Variants in HSPH1 observed in about 807,000 individuals in gnomAD.
The protein encoded by HSPH1 is heat shock protein family H (Hsp110) member 1.
A neutral mutation model predicts 100.0 loss-of-function variants in HSPH1; 40 were observed. The observed-to-expected ratio is 0.40, with a 90% CI of 0.31 to 0.52. The LOEUF is 0.52. HSPH1 is among the 20% of genes least tolerant of loss of function. The pLI, the probability that HSPH1 is intolerant of heterozygous loss-of-function variation, is 0.54. For missense variants in HSPH1, 876 were observed against 1,015.1 expected (o/e 0.86, Z 1.86); for synonymous variants, 403 against 344.0 (o/e 1.17, Z -1.90).
At chr13:31,146,518 C>T (rs185876360) in intron 10 of HSPH1, among the ~76,000 whole-genome samples, 170 of 152,220 alleles carry the variant, frequency 1.1e-3, no homozygotes, top group Non-Finnish European at 1.9e-3. Context: ...AATTTTAATC[C>T]TATAACCTTT....
intron 12 of HSPH1, among the ~76,000 whole-genome samples, 168 bp from the exon 13 acceptor site, chr13:31,141,427 G>C (rs957655631): frequency 1.3e-5 from 2 of 151,990 alleles, no homozygotes; most frequent in South Asian, 2.1e-4. Flanking sequence ...TTTAAATCAG[G>C]GCTGCTATTA....
chr13:31,139,049 C>T lies in HSPH1; in HGVS notation c.2039G>A (p.Gly680Glu), dbSNP rs1216875669. Residue 680 changes from glycine to glutamate, a missense_variant, in exon 15 of 18, where the codon GGA becomes GAA. Gly to Glu is a moderately conservative substitution (Grantham distance 98). Coordinates refer to ENST00000320027, the MANE Select transcript of HSPH1 (RefSeq NM_006644.4). ...ATATGCTTGTTTAGCTTGGTCCTCT[C>T]CTTCTTCATACAGCCAGTCTTCAGT... Reference protein sequence around the residue: ...TETEDWLYEEGEDQAKQAYVD... With the variant: ...TETEDWLYEEEEDQAKQAYVD... The T allele has an allele frequency of 1.2e-6, 2 of 1,613,134 alleles. No individual in the cohort carries two copies. Among genetic ancestry groups the T allele is most frequent in the Non-Finnish European group, 1.7e-6 (2 of 1,179,346 alleles).
intron 9 of HSPH1, 77 bp downstream of exon 9, chr13:31,148,297 T>C: frequency 9.5e-7 from 1 of 1,049,260 alleles, no homozygotes; most frequent in African/African-American, 1.6e-5. Context: ...CATTTGTTAA[T>C]GACTCTACTA....
chr13:31,162,175 C>T (rs1017601738), upstream of HSPH1: 5 of 1,281,340 alleles, frequency 3.9e-6, no homozygotes, highest in Non-Finnish European at 5.4e-6. Context: ...CGTTTTGCTG[C>T]CCTAATAAAA....
intron 2 of HSPH1, among the ~76,000 whole-genome samples, chr13:31,158,536 G>A (rs546099558): frequency 1.4e-4 from 18 of 125,958 alleles, no homozygotes; most frequent in South Asian, 5.4e-4. Context: ...GTAACAGAGC[G>A]AGACTCTATC....
In HSPH1 at chr13:31,141,449, C is replaced by T. The variant is rs578217674; in HGVS notation, c.1717-190G>A. 2.1e-4 allele frequency among the ~76,000 whole-genome samples: 32 copies of T among 152,140 alleles called. 1 individual carries two copies. The highest frequency in any genetic ancestry group is 1.6e-3 in the Admixed American group (25 of 15,260). On this transcript the variant is annotated intron_variant, in intron 12 of 17. Transcript: ENST00000320027. ...CAGGGCTGCTATTAAATATGCCATA[C>T]CTTCCTTCAGGAATTCACTGGGATA...
In HSPH1 at chr13:31,154,805, A is replaced by G. The variant is rs773086364; in HGVS notation, c.307-50T>C. ...TAAACATTGTAGTACTTTAAGCTAC[A>G]TGCCAATATTTAACTTCCAAAAATT... On this transcript the variant is annotated intron_variant, in intron 3 of 17. Transcript: ENST00000320027. 17 of 1,523,352 alleles carry G rather than the reference A, an allele frequency of 1.1e-5. No individual in the cohort carries two copies. The East Asian group carries it at 2.7e-4, about 25-fold the overall frequency. The allele number at this position is 1,523,352 out of a possible 1,614,324, so 94.4% of individuals were successfully genotyped here.
chr13:31,138,594 T>C (rs1468750909), intron 16 of HSPH1, 26 bp from the exon 17 acceptor site: 1 of 1,588,422 alleles, frequency 6.3e-7, no homozygotes, highest in Non-Finnish European at 8.6e-7. Context: ...ACGGTCATTC[T>C]GTAGAATTTA....
In HSPH1 at chr13:31,157,911, T is replaced by C. The variant is rs185630212; in HGVS notation, c.165+895A>G. ...TCAATAAGTAGTCAACAGAAAAAAA[T>C]TGATCAGATACCGTACTTTACTTTT... On this transcript the variant is annotated intron_variant, in intron 2 of 17. Transcript: ENST00000320027. 3.3e-4 allele frequency among the ~76,000 whole-genome samples: 49 copies of C among 146,980 alleles called. No individual in the cohort carries two copies. The East Asian group carries it at 5.7e-3, about 17-fold the overall frequency.
chr13:31,152,993 A>C (rs750624549), intron 4 of HSPH1, 42 bp from the exon 5 acceptor site: 1 of 1,308,974 alleles, frequency 7.6e-7, no homozygotes, highest in South Asian at 1.2e-5. Flanking sequence ...AGAACACAAA[A>C]TATACTTAGA....
upstream of HSPH1, chr13:31,161,998 C>T: frequency 6.5e-7 from 1 of 1,536,126 alleles, no homozygotes; most frequent in African/African-American, 1.4e-5. Context: ...CTCCACCGGC[C>T]CCTCCACGTG....
At chr13:31,156,774 G>A (rs1257540929) in intron 2 of HSPH1, among the ~76,000 whole-genome samples, 1 of 152,170 alleles carries the variant, frequency 6.6e-6, no homozygotes, top group Non-Finnish European at 1.5e-5. Context: ...TGCGTATTCT[G>A]AAGACTTGAG....
intron 1 of HSPH1, among the ~76,000 whole-genome samples, chr13:31,160,700 A>G (rs1371166479): frequency 6.6e-6 from 1 of 152,254 alleles, no homozygotes; most frequent in Non-Finnish European, 1.5e-5. Context: ...GCACAAAAGT[A>G]TGCAATTTTT....
At chr13:31,151,533 T>C in intron 6 of HSPH1, 76 bp downstream of exon 6, 6 of 1,359,032 alleles carry the variant, frequency 4.4e-6, no homozygotes. Context: ...AGAAAAAGCC[T>C]AGTAAAGAGG....
At chr13:31,162,042 A>T (rs758845376), upstream of HSPH1, 239 of 1,535,992 alleles carry the variant, frequency 1.6e-4, no homozygotes, top group Non-Finnish European at 1.9e-4. Flanking sequence ...AGCCTTCTGG[A>T]AAGATTCTAC....
At position 31,161,811 on chromosome 13, in the gene HSPH1, G is replaced by A. The variant is rs1023756577; in HGVS notation, c.-229C>T. 1 of 1,481,842 alleles carries A rather than the reference G, an allele frequency of 6.7e-7. No individual in the cohort carries two copies. The highest frequency in any genetic ancestry group is 2.2e-5 in the Admixed American group (1 of 44,504). 91.8% of individuals were successfully genotyped at this position (1,481,842 alleles called of 1,614,324 possible). ...CTGATAAGAAACCCTGGGAGAAAGC[G>A]GGGCTCAGCCTCCGCAGGTCGCTCC... On this transcript the variant is annotated 5_prime_UTR_variant, in exon 1 of 18. Coordinates refer to ENST00000320027, the MANE Select transcript of HSPH1 (RefSeq NM_006644.4).
At chr13:31,141,341 G>T in intron 12 of HSPH1, 82 bp from the exon 13 acceptor site, 1 of 1,123,232 alleles carries the variant, frequency 8.9e-7, no homozygotes, top group Non-Finnish European at 1.3e-6. Context: ...CATACTTACT[G>T]ATGACTTGGG....
Position 31,138,984 on chromosome 13 carries a change from G to A in HSPH1, c.2088+16C>T. The A allele has an allele frequency of 6.3e-7, 1 of 1,596,794 alleles. No individual in the cohort carries two copies. The highest frequency in any genetic ancestry group is 8.6e-7 in the Non-Finnish European group (1 of 1,165,110). ...TAAAACACAAGTACCACCTTTTGGGGGAGAAAACGACCTACCATTAATTCT... is the reference window on the plus strand; with the variant it reads ...TAAAACACAAGTACCACCTTTTGGGAGAGAAAACGACCTACCATTAATTCT... On this transcript the variant is annotated intron_variant, in intron 15 of 17. Coordinates refer to ENST00000320027, the MANE Select transcript of HSPH1 (RefSeq NM_006644.4).
intron 2 of HSPH1, among the ~76,000 whole-genome samples, chr13:31,156,801 A>C (rs1956715318): frequency 6.6e-6 from 1 of 152,218 alleles, no homozygotes; most frequent in African/African-American, 2.4e-5. Flanking sequence ...GGTTTTTAAA[A>C]ACAAGAAATT....
Sources: allele counts gnomAD v4.1 joint callset (sites outside exome capture counted in the v4.1 genomes callset), GRCh38; gene constraint gnomAD v4.1.1; transcripts MANE v1.5; gene names NCBI Gene and HGNC (gene_info 2026-07-23, HGNC 2026-07-21).